Variants in MYRFL observed in about 807,000 individuals in gnomAD.
The protein encoded by MYRFL is myelin regulatory factor like.
A neutral mutation model predicts 109.4 loss-of-function variants in MYRFL; 88 were observed. That is an observed-to-expected ratio of 0.80 (90% CI 0.68 to 0.96). The LOEUF (loss-of-function observed/expected upper bound fraction) is 0.96. MYRFL is among the 40% of genes least tolerant of loss of function. The pLI, the probability that MYRFL is intolerant of heterozygous loss-of-function variation, is 0.00. For synonymous variants in MYRFL, 324 were observed against 320.9 expected (o/e 1.01, Z -0.10); for missense variants, 957 against 954.9 (o/e 1.00, Z -0.03).
intron 10 of MYRFL, 47 bp downstream of exon 10, chr12:69,897,293 T>G: frequency 1.5e-6 from 2 of 1,350,394 alleles, no homozygotes; most frequent in Non-Finnish European, 2.0e-6. Flanking sequence ...GCTTTCCTCC[T>G]ATGTAGGCAG....
intron 6 of MYRFL, 124 bp downstream of exon 6, chr12:69,887,094 T>A: frequency 4.1e-6 from 4 of 967,080 alleles, no homozygotes; most frequent in Non-Finnish European, 5.9e-6. Flanking sequence ...TGAGAAAGTG[T>A]CTGTCTTACT....
At chr12:69,905,109 A>C (rs1026498) in intron 11 of MYRFL, among the ~76,000 whole-genome samples, 51,013 of 152,038 alleles carry the variant, frequency 0.34, 8,999 homozygotes, top group African/African-American at 0.43. Flanking sequence ...AGATATTGTG[A>C]CTTTGAACTT....
rs150897652 is a variant in MYRFL at position 69,948,560 on chromosome 12, C to T, written c.2225-3553C>T. 4.4e-3 allele frequency among the ~76,000 whole-genome samples: 667 copies of T among 152,262 alleles called. 32 individuals are homozygous for T. In the East Asian group the frequency reaches 0.1, roughly 24 times the overall value. ...GTCCTGGTTTCCACTTCTCTTTATG[C>T]CTCATTTGCGTTGTAAATTTACAAC... On this transcript the variant is annotated intron_variant, in intron 19 of 24. Transcript: ENST00000552032.
chr12:69,891,557 G>A (rs573724821), intron 7 of MYRFL, among the ~76,000 whole-genome samples: 1 of 84,362 alleles, frequency 1.2e-5, no homozygotes, highest in Admixed American at 1.2e-4. Context: ...AGTGAAAGGT[G>A]TCAATTTCTT....
At chr12:69,826,528 T>TA (rs1245782152) in intron 1 of MYRFL, among the ~76,000 whole-genome samples, 2 of 152,102 alleles carry the variant, frequency 1.3e-5, no homozygotes. Context: ...CTTCTAGAGC[T>TA]AGGGAAGACC....
intron 16 of MYRFL, 90 bp from the exon 17 acceptor site, chr12:69,936,023 A>C: frequency 1.4e-6 from 2 of 1,402,226 alleles, no homozygotes; most frequent in Non-Finnish European, 1.9e-6. Flanking sequence ...GTGAGAGTAC[A>C]TCTCTGGCCA....
chr12:69,953,394 T>G (rs555757991), intron 21 of MYRFL, among the ~76,000 whole-genome samples: 4 of 152,328 alleles, frequency 2.6e-5, no homozygotes, highest in African/African-American at 9.6e-5. Flanking sequence ...CCTTATCACC[T>G]GTATCAAGGT....
At chr12:69,870,099 C>CTTTTTTTT (rs754843682) in intron 2 of MYRFL, among the ~76,000 whole-genome samples, 5 of 81,330 alleles carry the variant, frequency 6.1e-5, no homozygotes, top group African/African-American at 1.5e-4. Context: ...ATTTTTCTTC[C>CTTTTTTTT]TTTTTTTTTT....
intron 13 of MYRFL, among the ~76,000 whole-genome samples, chr12:69,913,328 T>C (rs1325425269): frequency 6.6e-6 from 1 of 152,240 alleles, no homozygotes; most frequent in East Asian, 1.9e-4. Context: ...TTATCTATTT[T>C]CCCTTTTGTT....
In MYRFL at chr12:69,958,560, G is replaced by A; in HGVS notation, c.*29G>A. On this transcript the variant is annotated 3_prime_UTR_variant, in exon 25 of 25. Transcript: ENST00000552032. ...GTTCAAGTTTGGGGACTTTACCAAA[G>A]AAAAATACTCAGGAATACATTTAAC... 1 of 1,435,214 alleles carries A rather than the reference G, an allele frequency of 7.0e-7. No homozygotes were observed. Among genetic ancestry groups the A allele is most frequent in the Non-Finnish European group, 9.4e-7 (1 of 1,068,156 alleles). The allele number at this position is 1,435,214 out of a possible 1,614,324, so 88.9% of individuals were successfully genotyped here.
intron 7 of MYRFL, 142 bp downstream of exon 7, chr12:69,891,308 C>T (rs534166304): frequency 2.1e-5 from 13 of 612,984 alleles, no homozygotes; most frequent in Admixed American, 3.7e-5. Context: ...ACTGGGTCAG[C>T]GTGTGACTAT....
chr12:69,932,862 CGTGTGTGTGTGTGTGTGTGTTT>C lies in MYRFL; in HGVS notation c.1916+281_1916+302del, dbSNP rs1241387841. 1.5e-3 allele frequency among the ~76,000 whole-genome samples: 224 copies of C among 149,460 alleles called. 2 individuals are homozygous for C. Among genetic ancestry groups the C allele is most frequent in the Middle Eastern group, 3.4e-3 (1 of 294 alleles). ...ATGTTTAGCAGCAAACTGTGCCTTT[CGTGTGTGTGTGTGTGTGTGTTT>C]GTGTGTGTGTGTGTGTATGTGTGTA... On this transcript the variant is annotated intron_variant, in intron 16 of 24. Coordinates refer to ENST00000552032, the MANE Select transcript of MYRFL (RefSeq NM_182530.3).
At chr12:69,885,374 T>C (rs1241484111) in intron 5 of MYRFL, among the ~76,000 whole-genome samples, 1 of 152,216 alleles carries the variant, frequency 6.6e-6, no homozygotes, top group Admixed American at 6.5e-5. Context: ...ATTTATTTAT[T>C]TTAGGAAGTC....
At chr12:69,935,866 T>C (rs1955437037) in intron 16 of MYRFL, 5 of 501,452 alleles carry the variant, frequency 1.0e-5, no homozygotes, top group Non-Finnish European at 1.7e-5. Context: ...GGGGCTGCTC[T>C]ATGTGGAAAA....
At chr12:69,844,272 C>T (rs1883404100) in intron 1 of MYRFL, among the ~76,000 whole-genome samples, 1 of 152,146 alleles carries the variant, frequency 6.6e-6, no homozygotes, top group Admixed American at 6.5e-5. Context: ...AGCTGTGGCC[C>T]ATCTCCTATT....
intron 13 of MYRFL, among the ~76,000 whole-genome samples, chr12:69,918,350 T>A (rs944583596): frequency 6.6e-6 from 1 of 152,064 alleles, no homozygotes; most frequent in Admixed American, 6.6e-5. Context: ...AATTAGGGCC[T>A]GTAGAGGAAG....
chr12:69,953,223 A>C (rs899290861), intron 21 of MYRFL, among the ~76,000 whole-genome samples: 2 of 152,220 alleles, frequency 1.3e-5, no homozygotes, highest in Non-Finnish European at 2.9e-5. Flanking sequence ...CAAGAAAGAC[A>C]TTGTTGCTCA....
intron 1 of MYRFL, among the ~76,000 whole-genome samples, chr12:69,849,462 A>C (rs1883753788): frequency 6.6e-6 from 1 of 152,158 alleles, no homozygotes; most frequent in African/African-American, 2.4e-5. Flanking sequence ...TTCTTTATGC[A>C]TTTCATCTCT....
At chr12:69,935,858 G>T (rs1272619575) in intron 16 of MYRFL, 1 of 479,332 alleles carries the variant, frequency 2.1e-6, no homozygotes, top group African/African-American at 2.0e-5. Context: ...AGGGCTGGGG[G>T]GCTGCTCTAT....
Sources: allele counts gnomAD v4.1 joint callset (sites outside exome capture counted in the v4.1 genomes callset), GRCh38; gene constraint gnomAD v4.1.1; transcripts MANE v1.5; gene names NCBI Gene and HGNC (gene_info 2026-07-23, HGNC 2026-07-21).